Variants in PHTF2 observed in about 807,000 individuals in gnomAD.
The protein encoded by PHTF2 is putative homeodomain transcription factor 2.
PHTF2 carries 60 observed loss-of-function variants against 101.2 expected under a neutral mutation model. The observed-to-expected ratio is 0.59, with a 90% CI of 0.48 to 0.73. The LOEUF is 0.73. Ranked by LOEUF, PHTF2 falls within the 30% of genes least tolerant of loss-of-function variation. The pLI is 0.00. For synonymous variants in PHTF2, 311 were observed against 307.3 expected (o/e 1.01, Z -0.13); for missense variants, 747 against 908.7 (o/e 0.82, Z 2.29).
At chr7:77,935,132 C>CA (rs1298710405) in intron 12 of PHTF2, among the ~76,000 whole-genome samples, 2 of 18,644 alleles carry the variant, frequency 1.1e-4, no homozygotes. Flanking sequence ...CCCCCCCCCA[C>CA]ACACACACAC....
At chr7:77,845,008 AG>A (rs1477101386) in intron 2 of PHTF2, among the ~76,000 whole-genome samples, 1 of 152,224 alleles carries the variant, frequency 6.6e-6, no homozygotes, top group Non-Finnish European at 1.5e-5. Context: ...GAATGACAAC[AG>A]GGGAGAAACC....
intron 1 of PHTF2, among the ~76,000 whole-genome samples, chr7:77,800,862 A>C (rs1044248317): frequency 1.3e-5 from 2 of 152,244 alleles, no homozygotes; most frequent in African/African-American, 2.4e-5. Context: ...TAATTTGTTC[A>C]AGATTTCTTC....
intron 3 of PHTF2, among the ~76,000 whole-genome samples, chr7:77,885,614 T>G (rs1334610252): frequency 3.3e-5 from 5 of 152,128 alleles, no homozygotes; most frequent in African/African-American, 9.7e-5. Context: ...CCAGCTATTT[T>G]TTGTATTCTT....
chr7:77,841,108 C>T (rs923286515), intron 2 of PHTF2, among the ~76,000 whole-genome samples: 4 of 65,396 alleles, frequency 6.1e-5, no homozygotes, highest in Non-Finnish European at 1.0e-4. Context: ...GATGGAATCT[C>T]TCTCTCTGTC....
intron 3 of PHTF2, among the ~76,000 whole-genome samples, chr7:77,862,895 A>T (rs958686366): frequency 6.6e-6 from 1 of 152,228 alleles, no homozygotes; most frequent in South Asian, 2.1e-4. Flanking sequence ...CACTGTAGTT[A>T]ACCTGCTGTA....
intron 3 of PHTF2, among the ~76,000 whole-genome samples, chr7:77,855,773 A>G (rs1797127216): frequency 6.6e-6 from 1 of 152,096 alleles, no homozygotes; most frequent in Admixed American, 6.6e-5. Flanking sequence ...CCGAGTTCCA[A>G]TGCAAAGTCT....
intron 1 of PHTF2, among the ~76,000 whole-genome samples, chr7:77,823,737 G>T (rs542456986): frequency 2.0e-5 from 3 of 152,242 alleles, no homozygotes; most frequent in East Asian, 3.9e-4. Context: ...TAAGGTATGT[G>T]TAGCTAGAAT....
At chr7:77,840,290 A>G (rs1193530639) in exon 2 of PHTF2, 1 of 1,605,736 alleles carries the variant, frequency 6.2e-7, no homozygotes, top group Non-Finnish European at 8.5e-7. Flanking sequence ...ATAGTCTGGT[A>G]TCAAAAGAAG....
At chr7:77,819,525 T>G (rs1203911004) in intron 1 of PHTF2, among the ~76,000 whole-genome samples, 2 of 152,244 alleles carry the variant, frequency 1.3e-5, no homozygotes, top group African/African-American at 2.4e-5. Context: ...ATTGGTGTGA[T>G]GTATGATGTT....
At chr7:77,925,223 C>G (rs935464812) in intron 11 of PHTF2, among the ~76,000 whole-genome samples, 1 of 152,022 alleles carries the variant, frequency 6.6e-6, no homozygotes, top group East Asian at 1.9e-4. Context: ...TTCCACCCCC[C>G]AAGAAAGCAT....
intron 1 of PHTF2, among the ~76,000 whole-genome samples, chr7:77,822,272 T>C (rs1455894888): frequency 2.6e-5 from 4 of 152,040 alleles, no homozygotes; most frequent in Non-Finnish European, 5.9e-5. Flanking sequence ...GGCCCAGGCT[T>C]TGCATAGTTG....
At chr7:77,804,595 G>A (rs1414090089) in intron 1 of PHTF2, among the ~76,000 whole-genome samples, 1 of 152,158 alleles carries the variant, frequency 6.6e-6, no homozygotes, top group African/African-American at 2.4e-5. Context: ...CAAACTGCTG[G>A]GATTACAGGC....
At chr7:77,815,713 C>T (rs1002347734) in intron 1 of PHTF2, among the ~76,000 whole-genome samples, 1 of 152,202 alleles carries the variant, frequency 6.6e-6, no homozygotes. Context: ...GAAAATGGAT[C>T]TTTTATTTTA....
intron 5 of PHTF2, among the ~76,000 whole-genome samples, chr7:77,897,423 TAATA>T (rs1209909434): frequency 4.6e-5 from 7 of 151,390 alleles, no homozygotes; most frequent in Non-Finnish European, 1.0e-4. Flanking sequence ...AAATTATATT[TAATA>T]AATAAAATAT....
chr7:77,885,490 G>A (rs1365461166), intron 3 of PHTF2, among the ~76,000 whole-genome samples: 3 of 151,966 alleles, frequency 2.0e-5, no homozygotes, highest in African/African-American at 7.3e-5. Context: ...TGTCACCCAG[G>A]CTAGAGTGCG....
intron 18 of PHTF2, 76 bp downstream of exon 17, chr7:77,951,788 A>G (rs1036740622): frequency 4.0e-5 from 26 of 643,378 alleles, no homozygotes; most frequent in Non-Finnish European, 6.1e-5. Flanking sequence ...GTTTATAGAT[A>G]TTACTTTGTA....
intron 2 of PHTF2, among the ~76,000 whole-genome samples, chr7:77,852,274 T>C (rs1037821743): frequency 2.6e-5 from 4 of 152,186 alleles, no homozygotes; most frequent in African/African-American, 7.2e-5. Flanking sequence ...GGCAGATCAC[T>C]TGAGGTCAGG....
At chr7:77,855,265 G>C (rs1797084166) in intron 3 of PHTF2, among the ~76,000 whole-genome samples, 1 of 152,220 alleles carries the variant, frequency 6.6e-6, no homozygotes, top group South Asian at 2.1e-4. Context: ...TGTTGTCTGA[G>C]AGCTACAGCC....
At chr7:77,940,742 C>T in intron 15 of PHTF2, 83 bp downstream of exon 14, 1 of 969,326 alleles carries the variant, frequency 1.0e-6, no homozygotes, top group Non-Finnish European at 1.5e-6. Flanking sequence ...ATATTTGTCT[C>T]TAGATGTATA....
Sources: allele counts gnomAD v4.1 joint callset (sites outside exome capture counted in the v4.1 genomes callset), GRCh38; gene constraint gnomAD v4.1.1; transcripts MANE v1.5; gene names NCBI Gene and HGNC (gene_info 2026-07-23, HGNC 2026-07-21).